The following TMEM123 variants were observed in gnomAD, a reference collection of about 807,000 sequenced individuals.
TMEM123 encodes the protein transmembrane protein 123, also known as porimin.
A neutral mutation model predicts 19.7 loss-of-function variants in TMEM123; 16 were observed. The ratio of observed to expected loss-of-function variants is 0.81; its 90% confidence interval spans 0.55 to 1.23. The LOEUF (loss-of-function observed/expected upper bound fraction) is 1.23. Among genes scored for constraint, TMEM123 ranks in the 50% most tolerant of loss-of-function variants. TMEM123 has a pLI of 0.00. For missense variants in TMEM123, 313 were observed against 257.8 expected, an observed-to-expected ratio of 1.21 and a Z score of -1.47; for synonymous variants, 118 against 99.4, an observed-to-expected ratio of 1.19 and a Z score of -1.12.
chr11:102,398,701 G>C lies in TMEM123; in HGVS notation c.*166C>G. On this transcript the variant is annotated 3_prime_UTR_variant, in exon 5 of 5. Coordinates refer to ENST00000398136, the MANE Select transcript of TMEM123 (RefSeq NM_052932.3). ...TGTTTATTTCAAAACCCAAACCCTT[G>C]TTACCTTGAAGAATCTTTACATATT... The C allele has an allele frequency of 7.3e-6, 5 of 688,292 alleles. No homozygotes were observed. The highest frequency in any genetic ancestry group is 1.2e-5 in the Non-Finnish European group (5 of 425,446). The allele number at this position is 688,292 out of a possible 1,614,324, so 42.6% of individuals were successfully genotyped here.
chr11:102,435,400 A>G (rs1240986187), intron 2 of TMEM123, among the ~76,000 whole-genome samples: 1 of 151,942 alleles, frequency 6.6e-6, no homozygotes, highest in Non-Finnish European at 1.5e-5. Flanking sequence ...CATCACATGC[A>G]CATTAGGTTA....
At chr11:102,436,911 T>C (rs1857768733) in intron 2 of TMEM123, among the ~76,000 whole-genome samples, 1 of 152,244 alleles carries the variant, frequency 6.6e-6, no homozygotes, top group African/African-American at 2.4e-5. Context: ...GTGAGCCAGA[T>C]GGCTGCATTA....
intron 2 of TMEM123, among the ~76,000 whole-genome samples, chr11:102,445,912 A>T (rs915680681): frequency 2.0e-5 from 3 of 152,232 alleles, no homozygotes; most frequent in Non-Finnish European, 2.9e-5. Flanking sequence ...TAACCAAACT[A>T]ATGGCAATCG....
intron 2 of TMEM123, among the ~76,000 whole-genome samples, chr11:102,442,564 T>C (rs967524057): frequency 2.6e-5 from 4 of 152,108 alleles, no homozygotes; most frequent in African/African-American, 9.7e-5. Flanking sequence ...TAAGAGCTAT[T>C]TATGACAAAC....
intron 2 of TMEM123, among the ~76,000 whole-genome samples, chr11:102,403,650 A>G (rs1951931233): frequency 6.6e-6 from 1 of 152,152 alleles, no homozygotes; most frequent in Non-Finnish European, 1.5e-5. Flanking sequence ...GTTTGTCCCT[A>G]TCAAAACTCA....
intron 4 of TMEM123, among the ~76,000 whole-genome samples, chr11:102,400,359 A>G (rs370938369): frequency 2.0e-5 from 3 of 152,254 alleles, no homozygotes; most frequent in East Asian, 3.8e-4. Context: ...CTGGAAAATC[A>G]TAATGTATAT....
chr11:102,438,475 A>G (rs1257611317), intron 2 of TMEM123, among the ~76,000 whole-genome samples: 1 of 152,220 alleles, frequency 6.6e-6, no homozygotes, highest in Non-Finnish European at 1.5e-5. Context: ...TTACCACTTC[A>G]TGCCTTGTGC....
intron 2 of TMEM123, among the ~76,000 whole-genome samples, chr11:102,417,812 G>A (rs1479087910): frequency 6.6e-6 from 1 of 151,984 alleles, no homozygotes; most frequent in East Asian, 1.9e-4. Context: ...CAATGGAACA[G>A]GTTAGATAAC....
chr11:102,428,998 G>A (rs1054077312), intron 2 of TMEM123, among the ~76,000 whole-genome samples: 4 of 152,092 alleles, frequency 2.6e-5, no homozygotes, highest in Admixed American at 2.6e-4. Flanking sequence ...CTGGGGTCTG[G>A]AGGGACTACG....
chr11:102,413,526 A>G lies in TMEM123; in HGVS notation c.158-11320T>C, dbSNP rs1448828526. ...GGACCAGGAACACCTAAGTCCCTCC[A>G]GCACGGCAGGTGCTTAACTTCGAGG... is the stretch of plus-strand genomic sequence containing the variant. On this transcript the variant is annotated intron_variant, in intron 2 of 4. Coordinates refer to ENST00000398136, the MANE Select transcript of TMEM123 (RefSeq NM_052932.3). Among the ~76,000 whole-genome samples the G allele has an allele frequency of 4.6e-5, 7 of 152,174 alleles. No individual in the cohort carries two copies. In the East Asian group the frequency reaches 1.3e-3, roughly 29 times the overall value.
intron 2 of TMEM123, among the ~76,000 whole-genome samples, chr11:102,402,968 G>A (rs1326133420): frequency 6.6e-6 from 1 of 152,132 alleles, no homozygotes; most frequent in African/African-American, 2.4e-5. Context: ...GGGGTATAAT[G>A]TAAACAGAAA....
chr11:102,433,950 T>G (rs1225419606), intron 2 of TMEM123, among the ~76,000 whole-genome samples: 2 of 151,840 alleles, frequency 1.3e-5, no homozygotes, highest in Non-Finnish European at 2.9e-5. Context: ...GTGACTCAAT[T>G]AAACCTCTTT....
intron 2 of TMEM123, among the ~76,000 whole-genome samples, chr11:102,433,030 G>A (rs1175855632): frequency 2.0e-5 from 3 of 152,014 alleles, no homozygotes; most frequent in African/African-American, 4.8e-5. Context: ...GTTTGCTGCA[G>A]GTGTGGAGGC....
At chr11:102,411,073 C>T (rs1952000070) in intron 2 of TMEM123, among the ~76,000 whole-genome samples, 1 of 152,082 alleles carries the variant, frequency 6.6e-6, no homozygotes, top group African/African-American at 2.4e-5. Context: ...TGAGGACCCC[C>T]CCTTTTGCTC....
chr11:102,452,724 T>G lies in TMEM123; in HGVS notation c.-101A>C, dbSNP rs1857958606. On this transcript the variant is annotated 5_prime_UTR_variant, in exon 1 of 5. Coordinates refer to ENST00000398136, the MANE Select transcript of TMEM123 (RefSeq NM_052932.3). ...AGCCGGCGCCGGCTCCGCTTCCCCT[T>G]CGGCCGCGCACGTTTCCCCTCCCGC... is the stretch of plus-strand genomic sequence containing the variant. The G allele has an allele frequency of 1.1e-6, 1 of 922,092 alleles. No homozygotes were observed. Among genetic ancestry groups the G allele is most frequent in the Non-Finnish European group, 1.5e-6 (1 of 684,568 alleles). The allele number at this position is 922,092 out of a possible 1,614,324, so 57.1% of individuals were successfully genotyped here. A position where few individuals can be genotyped will look rare whatever the true frequency, so the allele number is the denominator to read the frequency against.
intron 2 of TMEM123, among the ~76,000 whole-genome samples, chr11:102,412,472 G>T (rs1170984788): frequency 6.6e-6 from 1 of 152,004 alleles, no homozygotes; most frequent in African/African-American, 2.4e-5. Flanking sequence ...AAAAGACAGA[G>T]ATTATGAGAC....
rs748418720 is a variant in TMEM123 at position 102,448,850 on chromosome 11, T to C, written c.119A>G (p.Asn40Ser). 19 of 1,613,708 alleles carry C rather than the reference T, an allele frequency of 1.2e-5. No individual in the cohort carries two copies. The East Asian group carries it at 3.8e-4, about 32-fold the overall frequency. The change falls in exon 2 of 5, where the codon AAT (asparagine) becomes AGT (serine). Residue 40 changes from asparagine (N) to serine (S), a missense_variant. Coordinates refer to ENST00000398136, the MANE Select transcript of TMEM123 (RefSeq NM_052932.3). ...AAMAASANIE[N>S]SGLPHNSSAN... ...ACTGGAGTTGTGTGGAAGCCCAGAA[T>C]TCTCTATGTTTGCAGATGCTGTAAA...
chr11:102,399,380 G>C (rs1271554229), intron 4 of TMEM123, among the ~76,000 whole-genome samples: 1 of 152,226 alleles, frequency 6.6e-6, no homozygotes, highest in Non-Finnish European at 1.5e-5. Flanking sequence ...AGGAGGCTGA[G>C]GTTGCAGTGA....
chr11:102,441,576 C>T (rs1857826604), intron 2 of TMEM123, among the ~76,000 whole-genome samples: 3 of 151,872 alleles, frequency 2.0e-5, no homozygotes, highest in South Asian at 4.2e-4. Context: ...CACTAAATGC[C>T]CACAAGAGAA....
Sources: gnomAD v4.1 joint callset for allele counts (sites outside exome capture counted in the v4.1 genomes callset) on GRCh38, gnomAD v4.1.1 for gene constraint, MANE v1.5 for transcripts, NCBI Gene and HGNC (gene_info 2026-07-23, HGNC 2026-07-21) for gene names.